PPP6R2: variants seen among roughly 807,000 people sequenced by gnomAD.
PPP6R2 encodes serine/threonine-protein phosphatase 6 regulatory subunit 2.
PPP6R2 carries 62 observed loss-of-function variants against 100.2 expected under a neutral mutation model. That is an observed-to-expected ratio of 0.62 (90% confidence interval 0.50 to 0.76). The LOEUF (loss-of-function observed/expected upper bound fraction) is 0.76. PPP6R2 is among the 30% of genes least tolerant of loss of function. PPP6R2 has a pLI of 0.00. For synonymous variants in PPP6R2, 525 were observed against 514.7 expected (o/e 1.02, Z -0.27); for missense variants, 1,142 against 1,276.3 (o/e 0.89, Z 1.60).
chr22:50,438,011 T>C, intron 17 of PPP6R2, 111 bp downstream of exon 17: 1 of 1,498,392 alleles, frequency 6.7e-7, no homozygotes, highest in South Asian at 1.2e-5. Context: ...GAGAGGCCCC[T>C]CTGTGGAGCT....
At chr22:50,405,634 G>C (rs1272091557) in intron 3 of PPP6R2, among the ~76,000 whole-genome samples, 5 of 67,842 alleles carry the variant, frequency 7.4e-5, no homozygotes, top group African/African-American at 2.8e-4. Flanking sequence ...CCTGGCAGGC[G>C]AGTGTGAAGG....
Position 50,439,836 on chromosome 22 carries a change from C to A in PPP6R2, c.2264C>A (p.Thr755Asn). 1 of 1,613,486 alleles carries A rather than the reference C, an allele frequency of 6.2e-7. No homozygotes were observed. The highest frequency in any genetic ancestry group is 8.5e-7 in the Non-Finnish European group (1 of 1,179,746). ...APEEKGWAKF[T>N]DFQPFCCSES... is the part of the protein sequence containing the mutation. ...GAGGAGAAAGGCTGGGCCAAGTTCA[C>A]TGACTTCCAACCTTTCTGCTGGTAA... Residue 755 changes from threonine (T) to asparagine (N), a missense_variant, in exon 20 of 24, where the codon ACT becomes AAT. This residue lies in a region of PPP6R2 where 550 missense variants were observed against 517.4 expected (regional missense o/e 1.06). Coordinates refer to ENST00000612753, the MANE Select transcript of PPP6R2 (RefSeq NM_001242898.2).
Position 50,439,843 on chromosome 22 carries a change from C to G in PPP6R2, c.2271C>G (p.Phe757Leu). ...EEKGWAKFTDFQPFCCSESGP... is the reference protein window; with the variant it reads ...EEKGWAKFTDLQPFCCSESGP... ...AAGGCTGGGCCAAGTTCACTGACTTCCAACCTTTCTGCTGGTAACAAATGC... is the reference window on the plus strand; with the variant it reads ...AAGGCTGGGCCAAGTTCACTGACTTGCAACCTTTCTGCTGGTAACAAATGC... The change falls in exon 20 of 24, where the codon TTC becomes TTG. Residue 757 changes from phenylalanine to leucine, a missense_variant. Phe to Leu is a conservative substitution (Grantham distance 22). Transcript: ENST00000612753. The G allele has an allele frequency of 6.2e-7, 1 of 1,613,168 alleles. No homozygotes were observed.
chr22:50,364,823 GTTGTA>G (rs1175818114), intron 1 of PPP6R2, among the ~76,000 whole-genome samples: 1 of 152,004 alleles, frequency 6.6e-6, no homozygotes, highest in Non-Finnish European at 1.5e-5. Context: ...GAGTGCCAAA[GTTGTA>G]TTGTGTGCGG....
At chr22:50,334,527 G>A in the PPP6R2 span, among the ~76,000 whole-genome samples, 39 of 152,164 alleles carry the variant, frequency 2.6e-4, no homozygotes, top group East Asian at 6.5e-3. Flanking sequence ...GCTTCTCGTC[G>A]TATATGTTTC....
intron 21 of PPP6R2, 51 bp downstream of exon 21, chr22:50,440,100 G>A (rs777160242): frequency 4.6e-6 from 7 of 1,512,732 alleles, no homozygotes; most frequent in African/African-American, 1.4e-5. Flanking sequence ...TTTAAGGCCT[G>A]AGGCCAGCTG....
At chr22:50,379,643 A>G (rs887280318) in intron 2 of PPP6R2, among the ~76,000 whole-genome samples, 2 of 152,144 alleles carry the variant, frequency 1.3e-5, no homozygotes, top group Non-Finnish European at 2.9e-5. Context: ...CTGTAATTCC[A>G]GCACTTTGGG....
chr22:50,437,396 AAGCTCCCGAACAAC>A, intron 15 of PPP6R2, 96 bp from the exon 16 acceptor site: 1 of 759,102 alleles, frequency 1.3e-6, no homozygotes, highest in Non-Finnish European at 2.2e-6. Context: ...GCTGGAGGAG[AAGCTCCCGAACAAC>A]TAGAGAGATT....
chr22:50,348,470 A>G (rs2044255762), intron 1 of PPP6R2, among the ~76,000 whole-genome samples: 1 of 152,142 alleles, frequency 6.6e-6, no homozygotes, highest in South Asian at 2.1e-4. Flanking sequence ...GGCTGCTTTT[A>G]TCCTCCCAGC....
At chr22:50,365,823 G>T (rs2048665321) in intron 1 of PPP6R2, among the ~76,000 whole-genome samples, 1 of 151,738 alleles carries the variant, frequency 6.6e-6, no homozygotes, top group Non-Finnish European at 1.5e-5. Context: ...TCAAACTCCA[G>T]GCCTCAAGTG....
chr22:50,435,699 T>G (rs1439485678), intron 13 of PPP6R2, among the ~76,000 whole-genome samples: 1 of 152,146 alleles, frequency 6.6e-6, no homozygotes, highest in Non-Finnish European at 1.5e-5. Context: ...TTGGGCTCCA[T>G]TAGCCCCTGG....
upstream of PPP6R2, chr22:50,343,189 C>A (rs574670954): frequency 6.6e-6 from 1 of 151,844 alleles, no homozygotes; most frequent in Admixed American, 6.6e-5. Flanking sequence ...GCGGGTTTCA[C>A]CGAGTGCCCC....
At chr22:50,337,913 TGTGTGTG>T in the PPP6R2 span, among the ~76,000 whole-genome samples, 11 of 132,912 alleles carry the variant, frequency 8.3e-5, no homozygotes, top group Admixed American at 6.1e-4. Flanking sequence ...TGTGGTGTAG[TGTGTGTG>T]GTGTGTGGGG....
chr22:50,335,418 T>C, the PPP6R2 span, among the ~76,000 whole-genome samples: 1 of 151,222 alleles, frequency 6.6e-6, no homozygotes, highest in Non-Finnish European at 1.5e-5. Flanking sequence ...CAGACTGGTC[T>C]CAAACTGACC....
At chr22:50,413,956 G>A (rs1025949659) in intron 4 of PPP6R2, among the ~76,000 whole-genome samples, 3 of 152,262 alleles carry the variant, frequency 2.0e-5, no homozygotes, top group Admixed American at 6.5e-5. Context: ...AGCCCACTGC[G>A]TCTGTGATGG....
intron 1 of PPP6R2, among the ~76,000 whole-genome samples, chr22:50,357,707 TC>T (rs1443290952): frequency 6.6e-6 from 1 of 151,676 alleles, no homozygotes; most frequent in Non-Finnish European, 1.5e-5. Context: ...CACTGCAACC[TC>T]CACCTCCTGG....
At position 50,436,472 on chromosome 22, in the gene PPP6R2, C is replaced by T. The variant is rs756744270; in HGVS notation, c.1602+20C>T. On this transcript the variant is annotated intron_variant, in intron 14 of 23. Coordinates refer to ENST00000612753, the MANE Select transcript of PPP6R2 (RefSeq NM_001242898.2). ...GACCTGGTGAGGAGGCTCGGGGCTG[C>T]CCCCTCGGTGCACGCACGGTGCTGG... 25 of 1,566,788 alleles carry T rather than the reference C, an allele frequency of 1.6e-5. No individual in the cohort carries two copies. The highest frequency in any genetic ancestry group is 2.0e-5 in the Non-Finnish European group (23 of 1,155,688).
At chr22:50,386,812 G>A (rs1244765933) in intron 2 of PPP6R2, among the ~76,000 whole-genome samples, 2 of 152,150 alleles carry the variant, frequency 1.3e-5, no homozygotes, top group Non-Finnish European at 2.9e-5. Flanking sequence ...ATAGCTGGCT[G>A]TAAGGAGGGT....
At chr22:50,397,688 A>G (rs9616912) in intron 3 of PPP6R2, among the ~76,000 whole-genome samples, 90 of 25,138 alleles carry the variant, frequency 3.6e-3, no homozygotes, top group South Asian at 5.8e-3. Flanking sequence ...GGATGGGGGC[A>G]GGGGGGCCTG....
Sources: allele counts gnomAD v4.1 joint callset (sites outside exome capture counted in the v4.1 genomes callset), GRCh38; gene constraint gnomAD v4.1.1; regional missense constraint gnomAD v4.1.1; transcripts MANE v1.5; gene names NCBI Gene and HGNC (gene_info 2026-07-23, HGNC 2026-07-21).